SLC7A10: variants seen among roughly 807,000 people sequenced by gnomAD.
SLC7A10 encodes asc-type amino acid transporter 1.
A neutral mutation model predicts 52.7 loss-of-function variants in SLC7A10; 30 were observed. The ratio of observed to expected loss-of-function variants is 0.57; its 90% CI spans 0.43 to 0.77. The LOEUF (loss-of-function observed/expected upper bound fraction) is 0.77, where lower values mean the gene tolerates loss of function less well. SLC7A10 is among the 30% of genes least tolerant of loss of function. SLC7A10 has a pLI of 0.00. For missense variants in SLC7A10, 581 were observed against 698.5 expected (o/e 0.83, Z 1.90); for synonymous variants, 318 against 314.9 (o/e 1.01, Z -0.10).
chr19:33,211,355 G>T (rs1196068396), intron 6 of SLC7A10, 27 bp from the exon 7 acceptor site: 6 of 1,613,646 alleles, frequency 3.7e-6, no homozygotes, highest in Non-Finnish European at 5.1e-6. Flanking sequence ...GAGAGGCCAT[G>T]TGTAAGGCCG....
Position 33,211,319 on chromosome 19 carries a change from C to A in SLC7A10, c.922G>T (p.Glu308Ter), listed in dbSNP as rs758946928. ...SSNAVAVTFG[E>*]KLLGYFSWVM... ...CAAGAAAAGTAGCCCAGCAGCTTCT[C>A]CCCGAAGGTCTGGGTGGGCACAGTA... The change falls in exon 7 of 11, where the codon GAG becomes TAG. Residue 308 changes from glutamate to a stop codon, truncating the protein, a stop_gained. Transcript: ENST00000253188. LOFTEE classifies it high-confidence loss of function. 5.0e-6 allele frequency: 8 copies of A among 1,614,094 alleles called. No homozygotes were observed. The highest frequency in any genetic ancestry group is 6.8e-6 in the Non-Finnish European group (8 of 1,180,026).
Position 33,211,533 on chromosome 19 carries a change from G to C in SLC7A10, c.793C>G (p.Leu265Val). The change falls in exon 6 of 11, where the codon CTA (leucine) becomes GTA (valine). Residue 265 changes from leucine (L) to valine (V), a missense_variant. By Grantham distance (32) the Leu-to-Val change is conservative. Coordinates refer to ENST00000253188, the MANE Select transcript of SLC7A10 (RefSeq NM_019849.3). ...TEEMVDARKN[L>V]PRAIFISIPL... ...ATGGAGATGAAGATGGCGCGAGGTA[G>C]GTTCCTGGTGACAGGCAGTGGAGTG... 6.2e-7 allele frequency: 1 copy of C among 1,614,120 alleles called. No homozygotes were observed. The highest frequency in any genetic ancestry group is 8.5e-7 in the Non-Finnish European group (1 of 1,180,038).
rs766327287 is a variant in SLC7A10, at chr19:33,213,014, A to C, written c.357-12T>G. On this transcript the variant is annotated splice_polypyrimidine_tract_variant and intron_variant, in intron 2 of 10. Transcript: ENST00000253188. ...AGAGCAGCAGAAAGCTGGAAGGAGC[A>C]GGGGCGGGAGTGGCTCAAGCTGCCC... 1.5e-5 allele frequency: 24 copies of C among 1,587,262 alleles called. No homozygotes were observed. In the Admixed American group the frequency reaches 4.0e-4, roughly 27 times the overall value.
intron 2 of SLC7A10, among the ~76,000 whole-genome samples, chr19:33,214,592 A>T (rs1236242372): frequency 4.0e-5 from 6 of 151,844 alleles, no homozygotes; most frequent in Non-Finnish European, 8.8e-5. Context: ...GCTACAGCAG[A>T]CTCCCTGCGC....
At chr19:33,222,768 C>T (rs893649183) in intron 1 of SLC7A10, among the ~76,000 whole-genome samples, 2 of 152,192 alleles carry the variant, frequency 1.3e-5, no homozygotes, top group African/African-American at 2.4e-5. Flanking sequence ...CCAGCCTGGC[C>T]GATTCCCTTC....
At chr19:33,213,535 G>A (rs1302716724) in intron 2 of SLC7A10, among the ~76,000 whole-genome samples, 4 of 152,140 alleles carry the variant, frequency 2.6e-5, no homozygotes, top group Admixed American at 2.0e-4. Context: ...TGATCCACCC[G>A]CCTCGGCCTC....
intron 3 of SLC7A10, 61 bp downstream of exon 3, chr19:33,212,790 G>A (rs1433934377): frequency 6.2e-7 from 1 of 1,608,140 alleles, no homozygotes; most frequent in Non-Finnish European, 8.5e-7. Flanking sequence ...TCCTGCTCAG[G>A]GCAGGATGGA....
intron 1 of SLC7A10, among the ~76,000 whole-genome samples, chr19:33,220,607 C>G (rs1323167581): frequency 6.6e-6 from 1 of 152,146 alleles, no homozygotes; most frequent in African/African-American, 2.4e-5. Flanking sequence ...TAGACCTCAT[C>G]TATTACCTTG....
intron 1 of SLC7A10, among the ~76,000 whole-genome samples, chr19:33,221,569 G>A (rs1201215843): frequency 1.3e-5 from 2 of 152,162 alleles, no homozygotes; most frequent in African/African-American, 4.8e-5. Context: ...CCCCTGCACA[G>A]TTGTATGGCT....
chr19:33,210,417 G>A lies in SLC7A10; in HGVS notation c.1263+50C>T, dbSNP rs780529538. On this transcript the variant is annotated intron_variant, in intron 9 of 10. Coordinates refer to ENST00000253188, the MANE Select transcript of SLC7A10 (RefSeq NM_019849.3). This position sits in a 1 kb window ranked among gnomAD's most constrained non-coding sequence, Gnocchi z 5.6. ...CCCCTGGTGCCCACTGTGGATGCAG[G>A]GGTGGCTCTGGCAGCACCCGGCACA... 6.5e-7 allele frequency: 1 copy of A among 1,541,772 alleles called. No homozygotes were observed. The highest frequency in any genetic ancestry group is 8.7e-7 in the Non-Finnish European group (1 of 1,149,644).
intron 1 of SLC7A10, among the ~76,000 whole-genome samples, chr19:33,220,563 T>C (rs1974792143): frequency 1.3e-5 from 2 of 152,138 alleles, no homozygotes; most frequent in African/African-American, 2.4e-5. Flanking sequence ...TGGGGCTTCT[T>C]CTCTTTTCTT....
chr19:33,218,704 G>GA (rs1270777105), intron 1 of SLC7A10, among the ~76,000 whole-genome samples: 1 of 32,020 alleles, frequency 3.1e-5, no homozygotes, highest in East Asian at 9.7e-4. Flanking sequence ...TTTTAGTAGA[G>GA]ATGGGGTTTC....
At chr19:33,211,800 A>G (rs546908477) in intron 5 of SLC7A10, 2 of 577,882 alleles carry the variant, frequency 3.5e-6, no homozygotes, top group African/African-American at 1.9e-5. Context: ...GTCTGTGCAG[A>G]AAGATAAAAT....
intron 1 of SLC7A10, among the ~76,000 whole-genome samples, chr19:33,218,682 T>A (rs1974745231): frequency 8.7e-5 from 3 of 34,620 alleles, no homozygotes; most frequent in African/African-American, 2.9e-4. Flanking sequence ...TCTTTCTTTC[T>A]TTTTTTTTTT....
chr19:33,213,085 G>A, intron 2 of SLC7A10, 83 bp from the exon 3 acceptor site: 1 of 1,535,980 alleles, frequency 6.5e-7, no homozygotes, highest in Non-Finnish European at 8.8e-7. Context: ...CAGCAGGGCT[G>A]CCCTGGGCCT....
intron 1 of SLC7A10, among the ~76,000 whole-genome samples, chr19:33,221,618 A>G (rs1974813168): frequency 6.6e-6 from 1 of 152,142 alleles, no homozygotes; most frequent in Non-Finnish European, 1.5e-5. Context: ...GGTTCTGCAG[A>G]GGTCCACCCC....
Position 33,218,681 on chromosome 19 carries a change from C to CT in SLC7A10, c.152-2709dup, listed in dbSNP as rs60465370. Among the ~76,000 whole-genome samples, 691 of 81,830 alleles carry CT rather than the reference C, an allele frequency of 8.4e-3. 26 individuals carry two copies. The highest frequency in any genetic ancestry group is 0.02 in the African/African-American group (567 of 28,152). The allele number at this position is 81,830 out of a possible 152,430, so 53.7% of individuals were successfully genotyped here. On this transcript the variant is annotated intron_variant, in intron 1 of 10. Coordinates refer to ENST00000253188, the MANE Select transcript of SLC7A10 (RefSeq NM_019849.3). ...GGTGGATTTCTTTCTTTCTTTCTTT[C>CT]TTTTTTTTTTTTTTTTAGTAGAGAT...
At chr19:33,218,872 G>C (rs1974754703) in intron 1 of SLC7A10, among the ~76,000 whole-genome samples, 1 of 151,080 alleles carries the variant, frequency 6.6e-6, no homozygotes, top group South Asian at 2.1e-4. Flanking sequence ...GGTGTGGGAA[G>C]GTCGGAGGGT....
Position 33,225,767 on chromosome 19 carries a change from GT to G in SLC7A10, c.-65del. On this transcript the variant is annotated 5_prime_UTR_variant, in exon 1 of 11. Coordinates refer to ENST00000253188, the MANE Select transcript of SLC7A10 (RefSeq NM_019849.3). Reference sequence around the variant, plus strand: ...CGTCTGTCCGGCCGGCCGCCCGTCGGTCCGTCGGTCCGTGAGCTCACGGCCC... The same window carrying G: ...CGTCTGTCCGGCCGGCCGCCCGTCGGCCGTCGGTCCGTGAGCTCACGGCCC... The G allele has an allele frequency of 7.0e-7, 1 of 1,437,424 alleles. No individual in the cohort carries two copies. Among genetic ancestry groups the G allele is most frequent in the Non-Finnish European group, 9.1e-7 (1 of 1,100,642 alleles). The allele number at this position is 1,437,424 out of a possible 1,614,324, so 89.0% of individuals were successfully genotyped here. A position where few individuals can be genotyped will look rare whatever the true frequency, so the allele number is the denominator to read the frequency against.
Sources: allele counts gnomAD v4.1 joint callset (sites outside exome capture counted in the v4.1 genomes callset), GRCh38; gene constraint gnomAD v4.1.1; non-coding constraint Gnocchi (gnomAD v3.1); transcripts MANE v1.5; gene names NCBI Gene and HGNC (gene_info 2026-07-23, HGNC 2026-07-21).